FAM178B: variants seen among roughly 807,000 people sequenced by gnomAD.
FAM178B encodes the protein family with sequence similarity 178 member B, also known as protein FAM178B.
FAM178B carries 82 observed loss-of-function variants against 91.7 expected under a neutral mutation model. The ratio of observed to expected loss-of-function variants is 0.89; its 90% CI spans 0.75 to 1.07. The LOEUF is 1.07. FAM178B is among the 50% of genes least tolerant of loss of function. The pLI is 0.00. For missense variants in FAM178B, 769 were observed against 846.7 expected, an observed-to-expected ratio of 0.91 and a Z score of 1.14; for synonymous variants, 368 against 359.4, an observed-to-expected ratio of 1.02 and a Z score of -0.27.
At chr2:96,909,718 T>C (rs2081119758) in intron 12 of FAM178B, among the ~76,000 whole-genome samples, 1 of 152,208 alleles carries the variant, frequency 6.6e-6, no homozygotes, top group Non-Finnish European at 1.5e-5. Context: ...CTGTTCTTAA[T>C]TGTGCAGCTG....
At chr2:96,880,750 G>A (rs540091686) in intron 14 of FAM178B, among the ~76,000 whole-genome samples, 79 of 152,294 alleles carry the variant, frequency 5.2e-4, no homozygotes, top group South Asian at 3.7e-3. Context: ...GCCCGCCACC[G>A]TGCCCGGAGA....
intron 6 of FAM178B, among the ~76,000 whole-genome samples, chr2:96,959,193 A>G (rs2082045310): frequency 8.3e-6 from 1 of 120,404 alleles, no homozygotes; most frequent in Admixed American, 8.5e-5. Flanking sequence ...AGCGAGACTC[A>G]GTTTTGAAAA....
intron 8 of FAM178B, among the ~76,000 whole-genome samples, chr2:96,946,790 G>A (rs1001873692): frequency 6.6e-6 from 1 of 152,238 alleles, no homozygotes; most frequent in African/African-American, 2.4e-5. Context: ...AAAGTGCATC[G>A]GGGGCTACAG....
intron 13 of FAM178B, among the ~76,000 whole-genome samples, chr2:96,895,408 G>A (rs536663569): frequency 6.6e-6 from 1 of 152,288 alleles, no homozygotes; most frequent in African/African-American, 2.4e-5. Flanking sequence ...GCTATTAGCC[G>A]CCCCAGCCCC....
chr2:96,986,446 A>G lies in FAM178B; in HGVS notation c.-133T>C. ...GGCGGCGCAGTGGGAGGACCCCAAG[A>G]GTTGCGTCCCTAGATCCAGGGCCGC... On this transcript the variant is annotated 5_prime_UTR_variant, in exon 1 of 17. Coordinates refer to ENST00000490605, the MANE Select transcript of FAM178B (RefSeq NM_001122646.3). The G allele has an allele frequency of 2.8e-6, 3 of 1,083,626 alleles. No homozygotes were observed. The highest frequency in any genetic ancestry group is 3.8e-6 in the Non-Finnish European group (3 of 780,860). The allele number at this position is 1,083,626 out of a possible 1,614,324, so 67.1% of individuals were successfully genotyped here. A position where few individuals can be genotyped will look rare whatever the true frequency, so the allele number is the denominator to read the frequency against.
At chr2:96,928,887 T>C (rs889662386) in intron 9 of FAM178B, among the ~76,000 whole-genome samples, 19 of 152,120 alleles carry the variant, frequency 1.2e-4, no homozygotes, top group Non-Finnish European at 2.8e-4. Flanking sequence ...GGGTGGCTCA[T>C]ACCTGTAATC....
At chr2:96,960,263 C>A in intron 6 of FAM178B, 25 bp downstream of exon 6, 1 of 1,550,898 alleles carries the variant, frequency 6.4e-7, no homozygotes, top group Non-Finnish European at 8.7e-7. Context: ...TGCGCCACCC[C>A]CTCACCCCTC....
chr2:96,978,925 G>A lies in FAM178B; in HGVS notation c.74-6319C>T, dbSNP rs192671329. Reference sequence around the variant, plus strand: ...CAGGTGTGAGCCACTGCACCCGGCCGATTTCATTCTTTTTTATGGCTGCAT... The same window carrying A: ...CAGGTGTGAGCCACTGCACCCGGCCAATTTCATTCTTTTTTATGGCTGCAT... On this transcript the variant is annotated intron_variant, in intron 1 of 16. Transcript: ENST00000490605. Among the ~76,000 whole-genome samples the A allele has an allele frequency of 5.1e-4, 72 of 141,002 alleles. 2 individuals are homozygous for A. The East Asian group carries it at 9.9e-3, about 19-fold the overall frequency. The allele number at this position is 141,002 out of a possible 152,430, so 92.5% of individuals were successfully genotyped here.
Position 96,943,396 on chromosome 2 carries a change from C to T in FAM178B, c.1078+4422G>A, listed in dbSNP as rs1011048082. Among the ~76,000 whole-genome samples the T allele has an allele frequency of 2.0e-5, 3 of 152,180 alleles. No homozygotes were observed. In the East Asian group the frequency reaches 5.8e-4, roughly 29 times the overall value. ...ATTTTCGTATCCATTTTCTTATCAGCGCTTTCAAGGTTCATGCATGTTATA... is the reference window on the plus strand; with the variant it reads ...ATTTTCGTATCCATTTTCTTATCAGTGCTTTCAAGGTTCATGCATGTTATA... On this transcript the variant is annotated intron_variant, in intron 8 of 16. Coordinates refer to ENST00000490605, the MANE Select transcript of FAM178B (RefSeq NM_001122646.3).
At chr2:96,935,068 G>A (rs533838061) in intron 8 of FAM178B, among the ~76,000 whole-genome samples, 15 of 152,126 alleles carry the variant, frequency 9.9e-5, no homozygotes, top group Non-Finnish European at 1.9e-4. Context: ...CGAGGCCCCC[G>A]GTATGCGTGA....
At chr2:96,907,356 G>C (rs1292679323) in intron 12 of FAM178B, among the ~76,000 whole-genome samples, 1 of 152,204 alleles carries the variant, frequency 6.6e-6, no homozygotes, top group Non-Finnish European at 1.5e-5. Flanking sequence ...ACTGTGCAGG[G>C]CACAAGCAGA....
intron 6 of FAM178B, among the ~76,000 whole-genome samples, chr2:96,959,202 A>G (rs2082046261): frequency 1.1e-5 from 1 of 91,120 alleles, no homozygotes; most frequent in African/African-American, 1.3e-4. Context: ...CAGTTTTGAA[A>G]AAAAAAAAAA....
chr2:96,936,850 G>T (rs760587923), intron 8 of FAM178B, among the ~76,000 whole-genome samples: 5 of 151,996 alleles, frequency 3.3e-5, no homozygotes, highest in African/African-American at 4.8e-5. Context: ...CAGGAGGGGG[G>T]TCTCCACACA....
intron 1 of FAM178B, among the ~76,000 whole-genome samples, chr2:96,975,170 T>C (rs2082274094): frequency 6.7e-6 from 1 of 149,584 alleles, no homozygotes; most frequent in African/African-American, 2.5e-5. Context: ...AACAAAAAAC[T>C]TCTGTCAGAT....
At chr2:96,960,199 C>A in intron 6 of FAM178B, 89 bp downstream of exon 6, 1 of 1,441,438 alleles carries the variant, frequency 6.9e-7, no homozygotes, top group Admixed American at 2.5e-5. Flanking sequence ...CGAACTTCCC[C>A]CTTTGGGGTG....
intron 1 of FAM178B, among the ~76,000 whole-genome samples, chr2:96,978,918 C>T (rs1413044660): frequency 1.5e-4 from 22 of 150,968 alleles, no homozygotes; most frequent in Admixed American, 4.6e-4. Context: ...AGCCACTGCA[C>T]CCGGCCGATT....
At chr2:96,976,373 G>A (rs560159997) in intron 1 of FAM178B, among the ~76,000 whole-genome samples, 2 of 151,904 alleles carry the variant, frequency 1.3e-5, no homozygotes, top group African/African-American at 4.8e-5. Flanking sequence ...GATTACAGGC[G>A]TGAGCCACCA....
chr2:96,967,183 C>T (rs1275778326), intron 5 of FAM178B, among the ~76,000 whole-genome samples: 1 of 152,082 alleles, frequency 6.6e-6, no homozygotes, highest in African/African-American at 2.4e-5. Context: ...GTCGTAACCT[C>T]CCCTTGAAAG....
chr2:96,967,541 A>G lies in FAM178B; in HGVS notation c.713T>C (p.Val238Ala), dbSNP rs748515824. 1.3e-6 allele frequency: 2 copies of G among 1,549,922 alleles called. No homozygotes were observed. Among genetic ancestry groups the G allele is most frequent in the South Asian group, 2.4e-5 (2 of 84,050 alleles). ...LNSLDLDEEE[V>A]PLTPEHRMLV... Reference sequence around the variant, plus strand: ...TCACCTGTGCTCGGGTGTGAGTGGCACTTCCTCTTCATCAAGATCCAAGGA... The same window carrying G: ...TCACCTGTGCTCGGGTGTGAGTGGCGCTTCCTCTTCATCAAGATCCAAGGA... Residue 238 changes from valine to alanine, a missense_variant, in exon 5 of 17, where the codon GTG (valine) becomes GCG (alanine). Physicochemically the swap from Val to Ala is moderately conservative, Grantham distance 64. Coordinates refer to ENST00000490605, the MANE Select transcript of FAM178B (RefSeq NM_001122646.3).
Sources: allele counts gnomAD v4.1 joint callset (sites outside exome capture counted in the v4.1 genomes callset), GRCh38; gene constraint gnomAD v4.1.1; transcripts MANE v1.5; gene names NCBI Gene and HGNC (gene_info 2026-07-23, HGNC 2026-07-21).